The following RANBP10 variants were observed in gnomAD, a reference collection of about 807,000 sequenced individuals.
RANBP10 encodes ran-binding protein 10.
RANBP10 carries 24 observed loss-of-function variants against 72.8 expected under a neutral mutation model. That is an observed-to-expected ratio of 0.33 (90% CI 0.24 to 0.46). The LOEUF (loss-of-function observed/expected upper bound fraction) is 0.46. Ranked by LOEUF, RANBP10 falls within the 20% of genes least tolerant of loss-of-function variation. RANBP10 has a pLI of 1.00. For missense variants in RANBP10, 679 were observed against 817.5 expected (o/e 0.83, Z 2.07); for synonymous variants, 310 against 322.3 (o/e 0.96, Z 0.41).
rs761318560 is a variant in RANBP10, at chr16:67,738,021, C to T, written c.583G>A (p.Asp195Asn). 5.0e-5 allele frequency: 79 copies of T among 1,590,432 alleles called. No individual in the cohort carries two copies. The highest frequency in any genetic ancestry group is 6.6e-5 in the Non-Finnish European group (77 of 1,167,252). ...TCAATAGTAGTACTCACCGGGAGGT[C>T]TGTGAAGGCTATACCTGTGGGGGGA... is the stretch of plus-strand genomic sequence containing the variant. ...NGHSLGIAFTDLPANLYPTVG... is the reference protein window; with the variant it reads ...NGHSLGIAFTNLPANLYPTVG... The change falls in exon 5 of 14, where the codon GAC becomes AAC. Residue 195 changes from aspartate to asparagine, a missense_variant. Physicochemically the swap from Asp to Asn is conservative, Grantham distance 23. Transcript: ENST00000317506.
chr16:67,791,131 A>G (rs1056203252), intron 2 of RANBP10, among the ~76,000 whole-genome samples: 2 of 151,060 alleles, frequency 1.3e-5, no homozygotes, highest in African/African-American at 4.9e-5. Context: ...CTCCTGCCTC[A>G]GCCTCCCAAG....
rs141180349 is a variant in RANBP10, at chr16:67,726,532, G to A, written c.1759C>T (p.Pro587Ser). 1.3e-5 allele frequency: 20 copies of A among 1,566,414 alleles called. No homozygotes were observed. The African/African-American group carries it at 1.4e-4, about 11-fold the overall frequency. Residue 587 changes from proline (P) to serine (S), a missense_variant, in exon 14 of 14, where the codon CCT becomes TCT. By Grantham distance (74) the Pro-to-Ser change is moderately conservative. Transcript: ENST00000317506. ...GCCTGGCCCAGGGCGAGCATCAGAG[G>A]GGGCTGCTTTGGCAGGTTCTGGGAC... is the stretch of plus-strand genomic sequence containing the variant. ...LESQNLPKQP[P>S]LMLALGQASE... is the part of the protein sequence containing the mutation.
chr16:67,790,110 A>AAAG (rs931797390), intron 2 of RANBP10, among the ~76,000 whole-genome samples: 2 of 151,602 alleles, frequency 1.3e-5, no homozygotes, highest in Non-Finnish European at 2.9e-5. Context: ...TAAAAAAAAA[A>AAAG]AAGAAGAAGA....
intron 3 of RANBP10, among the ~76,000 whole-genome samples, chr16:67,762,022 A>G (rs1275526641): frequency 6.6e-6 from 1 of 152,196 alleles, no homozygotes; most frequent in East Asian, 1.9e-4. Flanking sequence ...TTGGGAGGCC[A>G]AAGGAGGAGG....
At chr16:67,751,733 T>G (rs1365711958) in intron 3 of RANBP10, among the ~76,000 whole-genome samples, 1 of 152,064 alleles carries the variant, frequency 6.6e-6, no homozygotes, top group African/African-American at 2.4e-5. Context: ...CTGGCCAACA[T>G]GGAGAAACCT....
At chr16:67,756,296 A>G (rs887485016) in intron 3 of RANBP10, among the ~76,000 whole-genome samples, 9 of 152,356 alleles carry the variant, frequency 5.9e-5, no homozygotes, top group Admixed American at 5.9e-4. Flanking sequence ...CTACTGCTGA[A>G]TGGAAAGATT....
At chr16:67,744,607 G>T (rs1170485061) in intron 3 of RANBP10, 152 bp from the exon 4 acceptor site, 7 of 808,138 alleles carry the variant, frequency 8.7e-6, no homozygotes, top group African/African-American at 1.7e-5. Flanking sequence ...AATAGACAGA[G>T]TCTGGCTGTG....
At chr16:67,777,891 C>T (rs1211217695) in intron 2 of RANBP10, among the ~76,000 whole-genome samples, 1 of 152,232 alleles carries the variant, frequency 6.6e-6, no homozygotes, top group East Asian at 1.9e-4. Context: ...GTTTAAGACT[C>T]GCATAAAGAC....
At chr16:67,737,952 G>A (rs921254248) in intron 5 of RANBP10, 61 bp downstream of exon 5, 120 of 1,530,518 alleles carry the variant, frequency 7.8e-5, no homozygotes, top group Middle Eastern at 1.7e-4. Context: ...AGGTACCACC[G>A]TGCCCCATCC....
In RANBP10 at chr16:67,729,642, C is replaced by T. The variant is rs753028029; in HGVS notation, c.1147+38G>A. ...TATGTGGAGTGGCCTCTCTCCTCCA[C>T]ACCAGTTCTTCCCAGAGCCCTCTGG... On this transcript the variant is annotated intron_variant, in intron 9 of 13. Transcript: ENST00000317506. The surrounding 1 kb of genome is among the most constrained non-coding windows in gnomAD (Gnocchi z 7.1). 1.0e-5 allele frequency: 16 copies of T among 1,583,302 alleles called. No individual in the cohort carries two copies. Among genetic ancestry groups the T allele is most frequent in the Non-Finnish European group, 1.1e-5 (13 of 1,164,664 alleles).
intron 3 of RANBP10, among the ~76,000 whole-genome samples, chr16:67,754,002 C>T (rs539235276): frequency 2.0e-4 from 30 of 151,982 alleles, no homozygotes; most frequent in African/African-American, 2.9e-4. Flanking sequence ...AGCGTGGTGG[C>T]GGGCACCTGT....
intron 2 of RANBP10, among the ~76,000 whole-genome samples, chr16:67,788,084 G>A (rs1304748408): frequency 6.6e-6 from 1 of 151,980 alleles, no homozygotes; most frequent in Non-Finnish European, 1.5e-5. Flanking sequence ...TGATCCACCC[G>A]CCTCAGCCTC....
intron 3 of RANBP10, among the ~76,000 whole-genome samples, chr16:67,756,778 C>T (rs1240507526): frequency 6.6e-6 from 1 of 152,216 alleles, no homozygotes. Flanking sequence ...CCAGTCATCT[C>T]TTCCCAACAA....
chr16:67,803,792 C>T (rs2055279506), intron 2 of RANBP10, among the ~76,000 whole-genome samples: 1 of 143,210 alleles, frequency 7.0e-6, no homozygotes, highest in African/African-American at 2.6e-5. Flanking sequence ...CTTGCCACTG[C>T]ACTTCAGCGT....
At chr16:67,732,927 A>G (rs2053762631) in intron 6 of RANBP10, among the ~76,000 whole-genome samples, 2 of 151,514 alleles carry the variant, frequency 1.3e-5, no homozygotes, top group Non-Finnish European at 2.9e-5. Context: ...AGTGGCGGGC[A>G]CCTGTAGTCC....
In RANBP10 at chr16:67,749,786, G is replaced by C. The variant is rs576959283; in HGVS notation, c.401-5331C>G. On this transcript the variant is annotated intron_variant, in intron 3 of 13. Coordinates refer to ENST00000317506, the MANE Select transcript of RANBP10 (RefSeq NM_020850.3). ...AGACACTATGGCTCCTGATGGCAGC[G>C]GCTGTTCCCCTGGTCTATAGCAGGC... Among the ~76,000 whole-genome samples the C allele has an allele frequency of 4.4e-3, 676 of 152,276 alleles. 6 individuals are homozygous for C. The highest frequency in any genetic ancestry group is 0.016 in the African/African-American group (660 of 41,544).
rs1353210626 is a variant in RANBP10, at chr16:67,769,464, T to TAAAAAAAAAA, written c.400+2569_400+2570insTTTTTTTTTT. ...GTCTCAAAAAAAAAAAAAAAAAAAG[T>TAAAAAAAAAA]GCTGGGCGCAGTGGCTCACGCCTGT... On this transcript the variant is annotated intron_variant, in intron 3 of 13. Transcript: ENST00000317506. Among the ~76,000 whole-genome samples the TAAAAAAAAAA allele has an allele frequency of 2.2e-4, 2 of 9,190 alleles. 1 individual carries two copies. Among genetic ancestry groups the TAAAAAAAAAA allele is most frequent in the African/African-American group, 7.1e-4 (2 of 2,826 alleles). 6.0% of individuals were successfully genotyped at this position (9,190 alleles called of 152,430 possible).
intron 5 of RANBP10, among the ~76,000 whole-genome samples, chr16:67,736,681 T>A (rs1435531755): frequency 6.6e-6 from 1 of 152,202 alleles, no homozygotes; most frequent in East Asian, 1.9e-4. Context: ...ATACTGGCCA[T>A]GCTCATGCCT....
In RANBP10 at chr16:67,728,506, C is replaced by A; in HGVS notation, c.1358G>T (p.Ser453Ile). ...SSTSNQETSD[S>I]EMEMEAEHYP... ...GTGCTCTGCCTCCATCTCCATCTCA[C>A]TGTCGCTGTGGGGAGGGGTTGAGGT... The change falls in exon 11 of 14, where the codon AGT becomes ATT. Residue 453 changes from serine to isoleucine, a missense_variant. Ser to Ile is a moderately radical substitution (Grantham distance 142). Transcript: ENST00000317506. 3 of 1,614,160 alleles carry A rather than the reference C, an allele frequency of 1.9e-6. No individual in the cohort carries two copies. The highest frequency in any genetic ancestry group is 2.5e-6 in the Non-Finnish European group (3 of 1,180,032).
Sources: allele counts gnomAD v4.1 joint callset (sites outside exome capture counted in the v4.1 genomes callset), GRCh38; gene constraint gnomAD v4.1.1; non-coding constraint Gnocchi (gnomAD v3.1); transcripts MANE v1.5; gene names NCBI Gene and HGNC (gene_info 2026-07-23, HGNC 2026-07-21).